SLC6A11: variants seen among roughly 807,000 people sequenced by gnomAD.
SLC6A11 encodes the protein sodium- and chloride-dependent GABA transporter 3.
SLC6A11 carries 25 observed loss-of-function variants against 74.8 expected under a neutral mutation model. The observed-to-expected ratio is 0.33, with a 90% CI of 0.24 to 0.47. SLC6A11 has a LOEUF of 0.47. SLC6A11 is among the 20% of genes least tolerant of loss of function. The pLI, the probability that SLC6A11 is intolerant of heterozygous loss-of-function variation, is 1.00. For synonymous variants in SLC6A11, 330 were observed against 330.2 expected, an observed-to-expected ratio of 1.00 and a Z score of 0.01; for missense variants, 574 against 837.0, an observed-to-expected ratio of 0.69 and a Z score of 3.88.
At chr3:10,856,734 G>T (rs1694642858) in intron 5 of SLC6A11, among the ~76,000 whole-genome samples, 1 of 152,176 alleles carries the variant, frequency 6.6e-6, no homozygotes, top group African/African-American at 2.4e-5. Context: ...GTGGTGGGCT[G>T]GGTAATTTGA....
At chr3:10,925,049 G>A (rs970223363) in intron 8 of SLC6A11, among the ~76,000 whole-genome samples, 1 of 152,242 alleles carries the variant, frequency 6.6e-6, no homozygotes, top group Non-Finnish European at 1.5e-5. Context: ...AACGTGAAGA[G>A]GAGGAACGGA....
rs932641943 is a variant in SLC6A11 at position 10,940,150 on chromosome 3, C to T, written c.*1748C>T. 1 of 152,316 alleles carries T rather than the reference C, an allele frequency of 6.6e-6. No homozygotes were observed. Among genetic ancestry groups the T allele is most frequent in the African/African-American group, 2.4e-5 (1 of 41,470 alleles). 9.4% of individuals were successfully genotyped at this position (152,316 alleles called of 1,614,324 possible). A position where few individuals can be genotyped will look rare whatever the true frequency, so the allele number is the denominator to read the frequency against. On this transcript the variant is annotated 3_prime_UTR_variant, in exon 14 of 14. Coordinates refer to ENST00000254488, the MANE Select transcript of SLC6A11 (RefSeq NM_014229.3). ...CAGGACGGGAAGCCTAGCCTGGGCC[C>T]CCTCTGTGCACACAGTTCAGGCCTG...
chr3:10,834,626 C>A (rs1187173559), intron 4 of SLC6A11, among the ~76,000 whole-genome samples: 1 of 152,158 alleles, frequency 6.6e-6, no homozygotes, highest in Non-Finnish European at 1.5e-5. Context: ...CATGCACACC[C>A]AAACACACAC....
Position 10,816,609 on chromosome 3 carries a change from G to T in SLC6A11, c.256+88G>T, listed in dbSNP as rs575659578. On this transcript the variant is annotated intron_variant, in intron 1 of 13. Coordinates refer to ENST00000254488, the MANE Select transcript of SLC6A11 (RefSeq NM_014229.3). The surrounding 1 kb of genome is among the most constrained non-coding windows in gnomAD (Gnocchi z 4.2). ...GGGCGAGCGCGAGACCCCCTCCCGC[G>T]CCTGCGTGGAGCGGAACCCGAGCGG... 17 of 1,336,288 alleles carry T rather than the reference G, an allele frequency of 1.3e-5. No individual in the cohort carries two copies. The highest frequency in any genetic ancestry group is 3.0e-5 in the East Asian group (1 of 33,724). 82.8% of individuals were successfully genotyped at this position (1,336,288 alleles called of 1,614,324 possible).
At chr3:10,936,693 C>A (rs1183633228) in intron 13 of SLC6A11, among the ~76,000 whole-genome samples, 1 of 152,234 alleles carries the variant, frequency 6.6e-6, no homozygotes. Context: ...TAATTCTGAT[C>A]TCAGGCCAAA....
intron 8 of SLC6A11, among the ~76,000 whole-genome samples, chr3:10,921,741 G>C (rs950777028): frequency 1.3e-5 from 2 of 152,016 alleles, no homozygotes; most frequent in African/African-American, 4.8e-5. Flanking sequence ...ATGTCTAAAA[G>C]AGACACACTT....
rs999694809 is a variant in SLC6A11 at position 10,938,705 on chromosome 3, A to T, written c.*303A>T. On this transcript the variant is annotated 3_prime_UTR_variant, in exon 14 of 14. Transcript: ENST00000254488. ...TTAGGAAGAAGTGTATAATATTGTA[A>T]AACTTTTTTTACTGGGGTTGTGGGC... 9 of 212,820 alleles carry T rather than the reference A, an allele frequency of 4.2e-5. No individual in the cohort carries two copies. The highest frequency in any genetic ancestry group is 2.0e-4 in the African/African-American group (9 of 43,904). 13.2% of individuals were successfully genotyped at this position (212,820 alleles called of 1,614,324 possible).
intron 1 of SLC6A11, among the ~76,000 whole-genome samples, chr3:10,817,175 T>A (rs1694074639): frequency 6.6e-6 from 1 of 152,218 alleles, no homozygotes; most frequent in Non-Finnish European, 1.5e-5. Flanking sequence ...TTTCGTCTGC[T>A]CTTAAGCCCA....
At chr3:10,850,122 T>G (rs904226383) in intron 5 of SLC6A11, among the ~76,000 whole-genome samples, 2 of 152,208 alleles carry the variant, frequency 1.3e-5, no homozygotes. Context: ...GATGGTCTAA[T>G]TTATTAAAAT....
At position 10,875,052 on chromosome 3, in the gene SLC6A11, A is replaced by G. The variant is rs1371217288; in HGVS notation, c.848A>G (p.Lys283Arg). 3 of 1,613,718 alleles carry G rather than the reference A, an allele frequency of 1.9e-6. No homozygotes were observed. The highest frequency in any genetic ancestry group is 2.5e-6 in the Non-Finnish European group (3 of 1,179,788). The change falls in exon 6 of 14, where the codon AAG becomes AGG. Residue 283 changes from lysine (K) to arginine (R), a missense_variant. Transcript: ENST00000254488. ...VTLPGASEGI[K>R]FYLYPDLSRL... Reference sequence around the variant, plus strand: ...TTGCCCGGGGCCTCAGAGGGCATCAAGTTCTACTTGTACCCTGACCTCTCC... The same window carrying G: ...TTGCCCGGGGCCTCAGAGGGCATCAGGTTCTACTTGTACCCTGACCTCTCC...
intron 6 of SLC6A11, among the ~76,000 whole-genome samples, chr3:10,892,634 A>G (rs559857882): frequency 4.0e-5 from 6 of 150,374 alleles, no homozygotes; most frequent in African/African-American, 1.5e-4. Flanking sequence ...ACCAGCATGG[A>G]CCATGTGTTG....
chr3:10,931,389 C>T (rs748435049), intron 10 of SLC6A11, among the ~76,000 whole-genome samples: 7 of 149,786 alleles, frequency 4.7e-5, no homozygotes, highest in East Asian at 2.1e-4. Flanking sequence ...AGGAGAGCAA[C>T]GGGAGGTGGG....
intron 5 of SLC6A11, among the ~76,000 whole-genome samples, chr3:10,845,068 A>T (rs1458250871): frequency 6.6e-6 from 1 of 152,232 alleles, no homozygotes; most frequent in African/African-American, 2.4e-5. Context: ...GGTTAGAAAC[A>T]TGCAGCTTGT....
chr3:10,869,652 C>T (rs1244508516), intron 5 of SLC6A11, among the ~76,000 whole-genome samples: 1 of 152,218 alleles, frequency 6.6e-6, no homozygotes, highest in Non-Finnish European at 1.5e-5. Flanking sequence ...CACGGCAAGC[C>T]CAGGCAGAGC....
Position 10,918,972 on chromosome 3 carries a change from C to G in SLC6A11, c.1120+519C>G, listed in dbSNP as rs1032662149. Reference sequence around the variant, plus strand: ...GTGGCCCCACCAGCCTCACCACCTACGATTCCCCCACACTCACTCGGTCCC... The same window carrying G: ...GTGGCCCCACCAGCCTCACCACCTAGGATTCCCCCACACTCACTCGGTCCC... On this transcript the variant is annotated intron_variant, in intron 8 of 13. Coordinates refer to ENST00000254488, the MANE Select transcript of SLC6A11 (RefSeq NM_014229.3). This position sits in a 1 kb window ranked among gnomAD's most constrained non-coding sequence, Gnocchi z 4.5. Among the ~76,000 whole-genome samples, 2 of 152,168 alleles carry G rather than the reference C, an allele frequency of 1.3e-5. No homozygotes were observed. Among genetic ancestry groups the G allele is most frequent in the African/African-American group, 4.8e-5 (2 of 41,444 alleles).
At chr3:10,817,134 G>A (rs1290206316) in intron 1 of SLC6A11, among the ~76,000 whole-genome samples, 1 of 152,178 alleles carries the variant, frequency 6.6e-6, no homozygotes, top group African/African-American at 2.4e-5. Context: ...ACTTTTAGGC[G>A]AGGCATTGCT....
intron 4 of SLC6A11, among the ~76,000 whole-genome samples, chr3:10,831,087 C>T (rs1223401544): frequency 6.6e-6 from 1 of 152,188 alleles, no homozygotes; most frequent in Admixed American, 6.5e-5. Context: ...TCCACAGCCT[C>T]CCACTTGCTG....
intron 6 of SLC6A11, among the ~76,000 whole-genome samples, chr3:10,906,806 A>ACTCT (rs200988807): frequency 3.3e-5 from 5 of 151,792 alleles, no homozygotes; most frequent in African/African-American, 1.2e-4. Context: ...AGAGAACAAT[A>ACTCT]ATTTCAGAAA....
chr3:10,869,315 A>C (rs1226455492), intron 5 of SLC6A11, among the ~76,000 whole-genome samples: 1 of 152,218 alleles, frequency 6.6e-6, no homozygotes, highest in East Asian at 1.9e-4. Context: ...ATCTGGGCAG[A>C]CAGTGTGGTT....
Sources: gnomAD v4.1 joint callset for allele counts (sites outside exome capture counted in the v4.1 genomes callset) on GRCh38, gnomAD v4.1.1 for gene constraint, Gnocchi (gnomAD v3.1) non-coding constraint, MANE v1.5 for transcripts, NCBI Gene and HGNC (gene_info 2026-07-23, HGNC 2026-07-21) for gene names.